CWF19L2: variants seen among roughly 807,000 people sequenced by gnomAD.
CWF19L2 encodes the protein CWF19-like protein 2.
In CWF19L2, 98 loss-of-function variants were observed where a neutral mutation model predicts 111.7. That is an observed-to-expected ratio of 0.88 (90% CI 0.75 to 1.04). CWF19L2 has a LOEUF of 1.04. Ranked by LOEUF, CWF19L2 falls within the 50% of genes least tolerant of loss-of-function variation. CWF19L2 has a pLI of 0.00. For synonymous variants in CWF19L2, 351 were observed against 342.9 expected, an observed-to-expected ratio of 1.02 and a Z score of -0.26; for missense variants, 1,101 against 1,051.4, an observed-to-expected ratio of 1.05 and a Z score of -0.65.
At chr11:107,399,922 A>G (rs575197380) in intron 10 of CWF19L2, among the ~76,000 whole-genome samples, 24 of 152,188 alleles carry the variant, frequency 1.6e-4, no homozygotes, top group Non-Finnish European at 2.4e-4. Context: ...GAACCTTCAA[A>G]ACGATCCAAA....
intron 12 of CWF19L2, among the ~76,000 whole-genome samples, chr11:107,384,094 A>C (rs1210097809): frequency 6.6e-6 from 1 of 152,214 alleles, no homozygotes; most frequent in Non-Finnish European, 1.5e-5. Context: ...GAATGAGTTC[A>C]ATTAACATTT....
chr11:107,443,352 G>A (rs1246594587), intron 3 of CWF19L2, among the ~76,000 whole-genome samples: 3 of 152,054 alleles, frequency 2.0e-5, no homozygotes, highest in East Asian at 3.9e-4. Context: ...GCGTGGTGGC[G>A]CATGCCTGTA....
intron 12 of CWF19L2, among the ~76,000 whole-genome samples, chr11:107,380,046 C>CAAAAAAAAAAAAAAAAAAAAAAAAAAA (rs66699460): frequency 2.9e-5 from 1 of 34,490 alleles, no homozygotes; most frequent in Non-Finnish European, 5.1e-5. Flanking sequence ...GACACCGTCT[C>CAAAAAAAAAAAAAAAAAAAAAAAAAAA]AAAAAAAAAA....
intron 6 of CWF19L2, among the ~76,000 whole-genome samples, chr11:107,434,524 C>T (rs1033336747): frequency 6.6e-6 from 1 of 152,014 alleles, no homozygotes; most frequent in South Asian, 2.1e-4. Flanking sequence ...AATGCACACA[C>T]ATTAACCCCA....
intron 7 of CWF19L2, among the ~76,000 whole-genome samples, chr11:107,430,889 G>A (rs915700467): frequency 2.7e-4 from 40 of 148,622 alleles, no homozygotes; most frequent in African/African-American, 9.0e-4. Flanking sequence ...AAAAAAAAAG[G>A]AGAATAACTA....
chr11:107,443,094 T>G lies in CWF19L2; in HGVS notation c.340-45A>C, dbSNP rs796537911. 3 of 1,289,118 alleles carry G rather than the reference T, an allele frequency of 2.3e-6. No individual in the cohort carries two copies. In the African/African-American group the frequency reaches 4.4e-5, roughly 19 times the overall value. The allele number at this position is 1,289,118 out of a possible 1,614,324, so 79.9% of individuals were successfully genotyped here. On this transcript the variant is annotated intron_variant, in intron 3 of 17. Coordinates refer to ENST00000282251, the MANE Select transcript of CWF19L2 (RefSeq NM_152434.3). ...AAGTGAAATTGTCAAATTTGCATAC[T>G]TTGATATAAAAATTCTGTGCTGTTA... is the stretch of plus-strand genomic sequence containing the variant.
chr11:107,389,213 A>G (rs1035065247), intron 12 of CWF19L2, among the ~76,000 whole-genome samples: 2 of 152,198 alleles, frequency 1.3e-5, no homozygotes, highest in African/African-American at 4.8e-5. Context: ...CACTACCAAA[A>G]AGTAACCATT....
At chr11:107,343,361 A>G (rs753195206) in intron 14 of CWF19L2, among the ~76,000 whole-genome samples, 81 of 151,834 alleles carry the variant, frequency 5.3e-4, no homozygotes, top group Middle Eastern at 3.4e-3. Context: ...ATCATTATGT[A>G]ATGCCCCTCT....
At chr11:107,328,976 G>A (rs1017362035) in intron 17 of CWF19L2, among the ~76,000 whole-genome samples, 4 of 152,140 alleles carry the variant, frequency 2.6e-5, no homozygotes, top group African/African-American at 9.7e-5. Flanking sequence ...CAAACCTCTG[G>A]AGTTGAGATT....
chr11:107,356,674 A>G (rs761835852), intron 12 of CWF19L2, among the ~76,000 whole-genome samples: 20 of 152,228 alleles, frequency 1.3e-4, no homozygotes, highest in Non-Finnish European at 2.6e-4. Flanking sequence ...GTCCAACTAC[A>G]TGCCAGATAG....
At position 107,402,871 on chromosome 11, in the gene CWF19L2, G is replaced by GTATATATATATATATATATATA. The variant is rs767099135; in HGVS notation, c.1618-9977_1618-9976insTATATATATATATATATATATA. ...AACGAGTGGATAAACAAACTGTGGT[G>GTATATATATATATATATATATA]TGTATATATATATATATATATATAT... On this transcript the variant is annotated intron_variant, in intron 10 of 17. Transcript: ENST00000282251. 2.8e-3 allele frequency among the ~76,000 whole-genome samples: 160 copies of GTATATATATATATATATATATA among 56,984 alleles called. 16 individuals are homozygous for GTATATATATATATATATATATA. The highest frequency in any genetic ancestry group is 3.6e-3 in the Admixed American group (16 of 4,450). The allele number at this position is 56,984 out of a possible 152,430, so 37.4% of individuals were successfully genotyped here. A position where few individuals can be genotyped will look rare whatever the true frequency, so the allele number is the denominator to read the frequency against.
chr11:107,403,720 C>T (rs1861039807), intron 10 of CWF19L2: 3 of 844,830 alleles, frequency 3.6e-6, no homozygotes, highest in African/African-American at 3.3e-5. Context: ...CTGCCGCCTC[C>T]TTCTCCCTTT....
intron 10 of CWF19L2, among the ~76,000 whole-genome samples, chr11:107,414,476 CAT>C (rs1248030920): frequency 6.6e-6 from 1 of 152,180 alleles, no homozygotes; most frequent in African/African-American, 2.4e-5. Context: ...ATATCACTTA[CAT>C]GTTAATAACT....
rs1861431437 is a variant in CWF19L2, at chr11:107,429,389, ATCT to A, written c.840_842del (p.Glu280del). ...GTTTCCTCCACCGTTCCCGTCTATAATCTTCTTTCGTGGATGCAGCTTTTTCAG... is the reference window on the plus strand; with the variant it reads ...GTTTCCTCCACCGTTCCCGTCTATAATCTTTCGTGGATGCAGCTTTTTCAG... On this transcript the variant is annotated inframe_deletion, in exon 8 of 18. Transcript: ENST00000282251. 4 of 1,585,434 alleles carry A rather than the reference ATCT, an allele frequency of 2.5e-6. No homozygotes were observed. In the South Asian group the frequency reaches 4.6e-5, roughly 18 times the overall value.
rs762509704 is a variant in CWF19L2, at chr11:107,372,783, T to C, written c.1872+17291A>G. Among the ~76,000 whole-genome samples, 2 of 131,868 alleles carry C rather than the reference T, an allele frequency of 1.5e-5. 1 individual carries two copies. The highest frequency in any genetic ancestry group is 3.2e-5 in the Non-Finnish European group (2 of 62,826). 86.5% of individuals were successfully genotyped at this position (131,868 alleles called of 152,430 possible). A position where few individuals can be genotyped will look rare whatever the true frequency, so the allele number is the denominator to read the frequency against. ...GGGTTGAGGAGCCAAGATGGCCAAA[T>C]AGGAACTGCTCCGGTCTACAGCTCC... On this transcript the variant is annotated intron_variant, in intron 12 of 17. Coordinates refer to ENST00000282251, the MANE Select transcript of CWF19L2 (RefSeq NM_152434.3).
At chr11:107,360,250 T>C (rs1279901381) in intron 12 of CWF19L2, among the ~76,000 whole-genome samples, 34 of 152,190 alleles carry the variant, frequency 2.2e-4, no homozygotes, top group Admixed American at 1.9e-3. Context: ...CTTAAGATAA[T>C]GACTTCCAGA....
intron 17 of CWF19L2, among the ~76,000 whole-genome samples, chr11:107,327,823 AAAC>A (rs369534458): frequency 3.3e-5 from 5 of 152,192 alleles, no homozygotes; most frequent in East Asian, 1.9e-4. Flanking sequence ...ACAAAAAACA[AAAC>A]AACAACAACA....
Position 107,386,976 on chromosome 11 carries a change from C to G in CWF19L2, c.1872+3098G>C, listed in dbSNP as rs185210179. On this transcript the variant is annotated intron_variant, in intron 12 of 17. Transcript: ENST00000282251. Reference sequence around the variant, plus strand: ...GGCTTAGGCAGGAGAATCGCTTGAACCCAGAAGGCGGAGGTTGCAATGAGT... The same window carrying G: ...GGCTTAGGCAGGAGAATCGCTTGAAGCCAGAAGGCGGAGGTTGCAATGAGT... Among the ~76,000 whole-genome samples the G allele has an allele frequency of 3.3e-5, 5 of 152,014 alleles. No homozygotes were observed. In the East Asian group the frequency reaches 9.7e-4, roughly 29 times the overall value.
intron 10 of CWF19L2, among the ~76,000 whole-genome samples, chr11:107,414,485 A>G (rs1038468938): frequency 6.6e-6 from 1 of 152,152 alleles, no homozygotes; most frequent in South Asian, 2.1e-4. Context: ...ACATGTTAAT[A>G]ACTCCCAAAT....
Sources: allele counts gnomAD v4.1 joint callset (sites outside exome capture counted in the v4.1 genomes callset), GRCh38; gene constraint gnomAD v4.1.1; transcripts MANE v1.5; gene names NCBI Gene and HGNC (gene_info 2026-07-23, HGNC 2026-07-21).